The following CRY1 variants were observed in gnomAD, a reference collection of about 807,000 sequenced individuals.
The protein encoded by CRY1 is cryptochrome-1.
Under a neutral mutation model 76.0 loss-of-function variants are expected in CRY1, and 45 were observed. The observed-to-expected ratio is 0.59, with a 90% CI of 0.47 to 0.76. CRY1 has a LOEUF of 0.76. Ranked by LOEUF, CRY1 falls within the 30% of genes least tolerant of loss-of-function variation. The pLI, the probability that CRY1 is intolerant of heterozygous loss-of-function variation, is 0.00. For synonymous variants in CRY1, 248 were observed against 244.0 expected, an observed-to-expected ratio of 1.02 and a Z score of -0.15; for missense variants, 587 against 716.4, an observed-to-expected ratio of 0.82 and a Z score of 2.06.
At chr12:107,043,817 C>T (rs1310236142) in intron 1 of CRY1, among the ~76,000 whole-genome samples, 5 of 152,062 alleles carry the variant, frequency 3.3e-5, no homozygotes, top group East Asian at 1.9e-4. Flanking sequence ...CACTATACCA[C>T]GGTCTAGAGT....
At chr12:106,994,374 T>C (rs1172190967) in intron 10 of CRY1, among the ~76,000 whole-genome samples, 2 of 152,196 alleles carry the variant, frequency 1.3e-5, no homozygotes, top group Non-Finnish European at 1.5e-5. Context: ...CAGCTCTCAA[T>C]AATCTCTCCC....
At chr12:107,058,868 T>C (rs1953015985) in intron 1 of CRY1, among the ~76,000 whole-genome samples, 1 of 152,220 alleles carries the variant, frequency 6.6e-6, no homozygotes, top group Non-Finnish European at 1.5e-5. Flanking sequence ...CAGCTCTTGA[T>C]GATTTCATAA....
chr12:107,085,376 T>C (rs887452296), intron 1 of CRY1, among the ~76,000 whole-genome samples: 2 of 152,194 alleles, frequency 1.3e-5, no homozygotes, highest in African/African-American at 2.4e-5. Context: ...ATGTTTATTG[T>C]GGCACTGTTC....
At position 107,001,952 on chromosome 12, in the gene CRY1, T is replaced by TA; in HGVS notation, c.411-5dup. On this transcript the variant is annotated splice_region_variant and splice_polypyrimidine_tract_variant and intron_variant, in intron 3 of 12. Transcript: ENST00000008527. ...TCCACCATTGAGTTCTATGATCCTA[T>TA]AACAAGAGTTAGTAAAATGTAGTTA... is the stretch of plus-strand genomic sequence containing the variant. The TA allele has an allele frequency of 1.9e-6, 3 of 1,565,420 alleles. No homozygotes were observed. The highest frequency in any genetic ancestry group is 2.6e-6 in the Non-Finnish European group (3 of 1,165,158).
intron 2 of CRY1, 93 bp downstream of exon 2, chr12:107,021,991 C>T (rs1041721113): frequency 6.3e-6 from 6 of 948,674 alleles, no homozygotes; most frequent in Admixed American, 2.3e-5. Flanking sequence ...TACTTATATT[C>T]GCTACATTTT....
chr12:107,009,568 AT>A (rs1555275553), intron 2 of CRY1, among the ~76,000 whole-genome samples: 1 of 39,042 alleles, frequency 2.6e-5, no homozygotes, highest in Non-Finnish European at 4.6e-5. Context: ...AAAAACATAT[AT>A]ATATATATAT....
intron 1 of CRY1, among the ~76,000 whole-genome samples, chr12:107,031,207 G>C (rs1952670254): frequency 6.6e-6 from 1 of 152,142 alleles, no homozygotes; most frequent in South Asian, 2.1e-4. Flanking sequence ...GCTAAAGTCA[G>C]CTTTAGCCCT....
Position 106,997,608 on chromosome 12 carries a change from C to CT in CRY1, c.1371dup (p.Ala458SerfsTer8). On this transcript the variant is annotated frameshift_variant, in exon 9 of 13. Coordinates refer to ENST00000008527, the MANE Select transcript of CRY1 (RefSeq NM_004075.5). LOFTEE classifies it high-confidence loss of function. ...TAATTAACTCCTATCAAACATTTGG[C>CT]TACCTTTTGGATACCTTCTGGTGCA... 1.9e-6 allele frequency: 3 copies of CT among 1,614,094 alleles called. No individual in the cohort carries two copies. The highest frequency in any genetic ancestry group is 2.5e-6 in the Non-Finnish European group (3 of 1,179,988).
chr12:106,995,267 G>A (rs567065940), intron 10 of CRY1, among the ~76,000 whole-genome samples: 2 of 152,200 alleles, frequency 1.3e-5, no homozygotes, highest in Non-Finnish European at 2.9e-5. Flanking sequence ...CAGTCAAAAT[G>A]TGAGTGCTTT....
chr12:107,033,944 T>C (rs1453970418), intron 1 of CRY1, among the ~76,000 whole-genome samples: 1 of 151,142 alleles, frequency 6.6e-6, no homozygotes, highest in Non-Finnish European at 1.5e-5. Flanking sequence ...GCTGACACTG[T>C]CACAGGCATT....
At chr12:107,017,906 T>G (rs1429381901) in intron 2 of CRY1, among the ~76,000 whole-genome samples, 4 of 152,220 alleles carry the variant, frequency 2.6e-5, no homozygotes, top group African/African-American at 9.6e-5. Flanking sequence ...ACATTTACTA[T>G]CCCACATTTT....
chr12:107,064,124 T>C (rs1039646992), intron 1 of CRY1, among the ~76,000 whole-genome samples: 4 of 152,200 alleles, frequency 2.6e-5, no homozygotes, highest in African/African-American at 9.7e-5. Flanking sequence ...ACGACCGGGA[T>C]GGAATACTAT....
chr12:107,052,585 A>C (rs946664912), intron 1 of CRY1, among the ~76,000 whole-genome samples: 1 of 152,196 alleles, frequency 6.6e-6, no homozygotes, highest in Non-Finnish European at 1.5e-5. Flanking sequence ...TCAGGGAATA[A>C]AGGAATGGAG....
intron 2 of CRY1, among the ~76,000 whole-genome samples, chr12:107,011,808 GC>G (rs746750786): frequency 6.6e-6 from 1 of 152,226 alleles, no homozygotes; most frequent in Non-Finnish European, 1.5e-5. Flanking sequence ...AATTAAGGTG[GC>G]TACACTAAAC....
chr12:107,029,361 G>A (rs1405111878), intron 1 of CRY1, among the ~76,000 whole-genome samples: 1 of 152,120 alleles, frequency 6.6e-6, no homozygotes, highest in Admixed American at 6.5e-5. Context: ...GGAAGCCAAG[G>A]TGGGTGGATC....
Position 107,047,457 on chromosome 12 carries a change from T to C in CRY1, c.159-25265A>G, listed in dbSNP as rs561468976. ...GTCCACACCCAAATCTCATCTTGAA[T>C]TGTAGTTCCCATAATCCCAAAGTGT... On this transcript the variant is annotated intron_variant, in intron 1 of 12. Coordinates refer to ENST00000008527, the MANE Select transcript of CRY1 (RefSeq NM_004075.5). Among the ~76,000 whole-genome samples the C allele has an allele frequency of 2.6e-5, 4 of 152,300 alleles. No individual in the cohort carries two copies. The East Asian group carries it at 7.7e-4, about 29-fold the overall frequency.
chr12:107,028,981 G>A (rs1393114465), intron 1 of CRY1, among the ~76,000 whole-genome samples: 1 of 152,152 alleles, frequency 6.6e-6, no homozygotes, highest in South Asian at 2.1e-4. Flanking sequence ...TTAGGCTCTA[G>A]GTTCAGACAA....
chr12:107,046,688 G>A (rs978352768), intron 1 of CRY1, among the ~76,000 whole-genome samples: 1 of 152,100 alleles, frequency 6.6e-6, no homozygotes, highest in Admixed American at 6.6e-5. Context: ...GTGAAGGGAT[G>A]AATAAAGATA....
At chr12:107,057,246 A>G (rs1275552603) in intron 1 of CRY1, among the ~76,000 whole-genome samples, 1 of 152,230 alleles carries the variant, frequency 6.6e-6, no homozygotes. Flanking sequence ...TACACTGACT[A>G]AACAATGAAA....
Sources: gnomAD v4.1 joint callset for allele counts (sites outside exome capture counted in the v4.1 genomes callset) on GRCh38, gnomAD v4.1.1 for gene constraint, MANE v1.5 for transcripts, NCBI Gene and HGNC (gene_info 2026-07-23, HGNC 2026-07-21) for gene names.